Variants in SDK1 observed in about 807,000 individuals in gnomAD.
The protein encoded by SDK1 is protein sidekick-1.
A neutral mutation model predicts 245.5 loss-of-function variants in SDK1; 157 were observed. The ratio of observed to expected loss-of-function variants is 0.64; its 90% CI spans 0.56 to 0.73. The LOEUF (loss-of-function observed/expected upper bound fraction) is 0.73, where lower values mean the gene tolerates loss of function less well. Among genes scored for constraint, SDK1 ranks in the 30% least tolerant of loss-of-function variants. The pLI, the probability that SDK1 is intolerant of heterozygous loss-of-function variation, is 0.00. For synonymous variants in SDK1, 1,647 were observed against 1,278.5 expected (o/e 1.29, Z -6.15); for missense variants, 3,583 against 3,002.3 (o/e 1.19, Z -4.52).
intron 5 of SDK1, among the ~76,000 whole-genome samples, chr7:3,904,645 G>C (rs951620252): frequency 1.3e-5 from 2 of 151,946 alleles, no homozygotes; most frequent in African/African-American, 4.8e-5. Context: ...AGTGGGCTAC[G>C]ATAACACCAC....
intron 1 of SDK1, among the ~76,000 whole-genome samples, chr7:3,329,137 C>A (rs957315571): frequency 6.6e-6 from 1 of 151,948 alleles, no homozygotes; most frequent in Non-Finnish European, 1.5e-5. Flanking sequence ...TTGTTAATGA[C>A]AAATTAAATT....
chr7:3,446,597 T>C (rs967815080), intron 1 of SDK1, among the ~76,000 whole-genome samples: 1 of 152,158 alleles, frequency 6.6e-6, no homozygotes, highest in Non-Finnish European at 1.5e-5. Context: ...ATTTAATAAG[T>C]CTCTGCTTTT....
At chr7:3,589,709 C>T (rs556789456) in intron 1 of SDK1, among the ~76,000 whole-genome samples, 52 of 152,270 alleles carry the variant, frequency 3.4e-4, no homozygotes, top group African/African-American at 1.1e-3. Context: ...TGAGGACTCA[C>T]TGTCATGAGA....
At chr7:4,142,747 G>A (rs971307974) in intron 28 of SDK1, among the ~76,000 whole-genome samples, 8 of 152,244 alleles carry the variant, frequency 5.3e-5, no homozygotes, top group Non-Finnish European at 1.2e-4. Flanking sequence ...ACAGGCGTGA[G>A]CCACTGTGCC....
At chr7:4,177,886 G>A (rs1024819779) in intron 34 of SDK1, among the ~76,000 whole-genome samples, 9 of 152,228 alleles carry the variant, frequency 5.9e-5, no homozygotes, top group East Asian at 3.9e-4. Flanking sequence ...GGGAGACAGC[G>A]ACAGATCATC....
intron 32 of SDK1, among the ~76,000 whole-genome samples, chr7:4,169,630 T>A (rs902215514): frequency 2.6e-5 from 4 of 152,204 alleles, no homozygotes; most frequent in South Asian, 2.1e-4. Context: ...ATCTCCTAGA[T>A]GCAATGAGAC....
At chr7:4,157,381 G>T (rs1780805680) in intron 30 of SDK1, among the ~76,000 whole-genome samples, 1 of 109,098 alleles carries the variant, frequency 9.2e-6, no homozygotes, top group South Asian at 2.7e-4. Context: ...AGAAGGGAGA[G>T]AAGGAATGAG....
intron 35 of SDK1, among the ~76,000 whole-genome samples, chr7:4,182,249 TC>T (rs1439532422): frequency 6.6e-6 from 1 of 152,110 alleles, no homozygotes; most frequent in East Asian, 1.9e-4. Flanking sequence ...TCTGTCCCCC[TC>T]CCTCTAGGCG....
At chr7:3,655,510 T>TATGTATGC (rs1783154716) in intron 4 of SDK1, among the ~76,000 whole-genome samples, 1 of 120,010 alleles carries the variant, frequency 8.3e-6, no homozygotes, top group African/African-American at 2.9e-5. Context: ...TATATGTATG[T>TATGTATGC]ATGTATATAA....
chr7:3,386,865 A>G (rs988757849), intron 1 of SDK1, among the ~76,000 whole-genome samples: 1 of 152,186 alleles, frequency 6.6e-6, no homozygotes, highest in African/African-American at 2.4e-5. Flanking sequence ...AACATATGTC[A>G]TAACTAACAC....
At chr7:3,768,858 C>T (rs141856022) in intron 4 of SDK1, among the ~76,000 whole-genome samples, 6 of 152,246 alleles carry the variant, frequency 3.9e-5, no homozygotes, top group Admixed American at 6.5e-5. Flanking sequence ...GTTTTCCTTC[C>T]CCACTCCTTT....
Position 3,642,060 on chromosome 7 carries a change from T to C in SDK1, c.668T>C (p.Val223Ala). Residue 223 changes from valine (V) to alanine (A), a missense_variant, in exon 4 of 45, where the codon GTG becomes GCG. Coordinates refer to ENST00000404826, the MANE Select transcript of SDK1 (RefSeq NM_152744.4). The part of the protein sequence containing the change: ...LPITSYPRPQ[V>A]TWFREGHKII... ...ATCACCAGCTACCCCAGACCTCAAGTGACTTGGTTTAGAGAAGGGCACAAG... is the reference window on the plus strand; with the variant it reads ...ATCACCAGCTACCCCAGACCTCAAGCGACTTGGTTTAGAGAAGGGCACAAG... The C allele has an allele frequency of 6.2e-7, 1 of 1,614,138 alleles. No homozygotes were observed. Among genetic ancestry groups the C allele is most frequent in the Non-Finnish European group, 8.5e-7 (1 of 1,180,002 alleles).
In SDK1 at chr7:3,392,961, A is replaced by ATTTTT. The variant is rs572782966; in HGVS notation, c.298+91092_298+91096dup. 3.3e-3 allele frequency among the ~76,000 whole-genome samples: 288 copies of ATTTTT among 87,018 alleles called. 8 individuals carry two copies. Among genetic ancestry groups the ATTTTT allele is most frequent in the African/African-American group, 4.6e-3 (94 of 20,632 alleles). The allele number at this position is 87,018 out of a possible 152,430, so 57.1% of individuals were successfully genotyped here. On this transcript the variant is annotated intron_variant, in intron 1 of 44. Transcript: ENST00000404826. ...GTATCTGTTTGAGTCCCTGTTTTAA[A>ATTTTT]TTTTTTTTTTTTTTTTTTTCTTTTT...
chr7:3,906,372 C>T (rs1204645899), intron 5 of SDK1, among the ~76,000 whole-genome samples: 1 of 151,000 alleles, frequency 6.6e-6, no homozygotes, highest in Non-Finnish European at 1.5e-5. Context: ...ACAATGGTGG[C>T]TGTATGCGTA....
chr7:3,669,757 C>T (rs983505799), intron 4 of SDK1, among the ~76,000 whole-genome samples: 3 of 152,226 alleles, frequency 2.0e-5, no homozygotes, highest in Admixed American at 2.0e-4. Flanking sequence ...CAGCCCACAT[C>T]ACTCCTTTGA....
At chr7:4,197,695 C>A (rs1270630444) in intron 35 of SDK1, among the ~76,000 whole-genome samples, 1 of 152,202 alleles carries the variant, frequency 6.6e-6, no homozygotes, top group Non-Finnish European at 1.5e-5. Flanking sequence ...CTGGCCTGTT[C>A]TCCACCCTCG....
At chr7:3,660,774 T>C (rs1322920222) in intron 4 of SDK1, among the ~76,000 whole-genome samples, 3 of 152,258 alleles carry the variant, frequency 2.0e-5, no homozygotes, top group Admixed American at 1.3e-4. Flanking sequence ...TGCACTGTTT[T>C]ACCTTGGAAG....
intron 1 of SDK1, among the ~76,000 whole-genome samples, chr7:3,570,867 T>C (rs539924493): frequency 6.7e-6 from 1 of 149,918 alleles, no homozygotes; most frequent in Non-Finnish European, 1.5e-5. Context: ...TAGAATTTAT[T>C]ATAATCACAG....
chr7:4,030,942 C>G (rs145666993), intron 17 of SDK1, among the ~76,000 whole-genome samples: 1 of 152,128 alleles, frequency 6.6e-6, no homozygotes, highest in African/African-American at 2.4e-5. Flanking sequence ...GCAGAGACAT[C>G]GAACTTAGAT....
Sources: gnomAD v4.1 joint callset for allele counts (sites outside exome capture counted in the v4.1 genomes callset) on GRCh38, gnomAD v4.1.1 for gene constraint, MANE v1.5 for transcripts, NCBI Gene and HGNC (gene_info 2026-07-23, HGNC 2026-07-21) for gene names.